SLC25A48: variants seen among roughly 807,000 people sequenced by gnomAD.
SLC25A48 encodes solute carrier family 25 member 48.
SLC25A48 carries 29 observed loss-of-function variants against 32.2 expected under a neutral mutation model. That is an observed-to-expected ratio of 0.90 (90% CI 0.67 to 1.23). The LOEUF (loss-of-function observed/expected upper bound fraction) is 1.23, where lower values mean the gene tolerates loss of function less well. SLC25A48 is among the 50% of genes most tolerant of loss of function. The pLI is 0.00. For synonymous variants in SLC25A48, 164 were observed against 172.3 expected (o/e 0.95, Z 0.38); for missense variants, 399 against 422.7 (o/e 0.94, Z 0.49).
rs555379016 is a variant in SLC25A48, at chr5:135,690,604, T to C, written c.-521+55648T>C. Among the ~76,000 whole-genome samples, 3 of 152,348 alleles carry C rather than the reference T, an allele frequency of 2.0e-5. No individual in the cohort carries two copies. The East Asian group carries it at 5.8e-4, about 29-fold the overall frequency. On this transcript the variant is annotated intron_variant, in intron 3 of 10. Transcript: ENST00000646290. ...TCCCTGCTTTTCCTTGGGATTCTCTTATGCTGTGCCATCAGCTGAGCCCTC... is the reference window on the plus strand; with the variant it reads ...TCCCTGCTTTTCCTTGGGATTCTCTCATGCTGTGCCATCAGCTGAGCCCTC...
At chr5:135,639,316 T>C (rs1752779992) in intron 3 of SLC25A48, among the ~76,000 whole-genome samples, 1 of 152,214 alleles carries the variant, frequency 6.6e-6, no homozygotes, top group African/African-American at 2.4e-5. Context: ...ACAGCTCTTA[T>C]GTGTTGTTCA....
At chr5:135,637,528 C>A (rs1246757159) in intron 3 of SLC25A48, among the ~76,000 whole-genome samples, 1 of 152,200 alleles carries the variant, frequency 6.6e-6, no homozygotes, top group African/African-American at 2.4e-5. Context: ...TGGCCCCTAA[C>A]TCCTTAGTGT....
intron 3 of SLC25A48, among the ~76,000 whole-genome samples, chr5:135,758,080 C>T (rs1204213706): frequency 6.7e-6 from 1 of 150,174 alleles, no homozygotes; most frequent in East Asian, 2.0e-4. Flanking sequence ...CTAGTGTTAA[C>T]ACACGATGAT....
At chr5:135,771,521 C>T (rs544212323) in intron 3 of SLC25A48, among the ~76,000 whole-genome samples, 5 of 149,220 alleles carry the variant, frequency 3.4e-5, no homozygotes, top group South Asian at 2.1e-4. Flanking sequence ...AGTGGGGAGA[C>T]GGTGATATTA....
intron 3 of SLC25A48, among the ~76,000 whole-genome samples, chr5:135,695,781 C>T (rs141243458): frequency 3.7e-4 from 57 of 152,330 alleles, no homozygotes; most frequent in African/African-American, 1.2e-3. Flanking sequence ...GCTCCTGCCC[C>T]GACCTTCTCT....
intron 3 of SLC25A48, among the ~76,000 whole-genome samples, chr5:135,725,235 G>A (rs1346626401): frequency 6.6e-6 from 1 of 152,222 alleles, no homozygotes; most frequent in Non-Finnish European, 1.5e-5. Context: ...CTATCTTTAT[G>A]AAACATCTAT....
chr5:135,796,290 G>C (rs1006881956), intron 3 of SLC25A48, among the ~76,000 whole-genome samples: 1 of 151,638 alleles, frequency 6.6e-6, no homozygotes, highest in African/African-American at 2.4e-5. Flanking sequence ...CAGCGGGGGA[G>C]ACGGTGATAT....
At chr5:135,877,625 G>C (rs186665948) in intron 6 of SLC25A48, among the ~76,000 whole-genome samples, 2 of 152,216 alleles carry the variant, frequency 1.3e-5, no homozygotes, top group South Asian at 4.1e-4. Flanking sequence ...AGCGCTCGCA[G>C]GTGCTGGGGT....
intron 1 of SLC25A48, among the ~76,000 whole-genome samples, chr5:135,839,865 G>A (rs1023451912): frequency 2.0e-5 from 3 of 152,164 alleles, no homozygotes; most frequent in African/African-American, 7.2e-5. Flanking sequence ...TGTTCCCCAA[G>A]CTCTCTTTTT....
At chr5:135,760,579 C>T (rs570588339) in intron 3 of SLC25A48, among the ~76,000 whole-genome samples, 2 of 152,302 alleles carry the variant, frequency 1.3e-5, no homozygotes, top group South Asian at 4.2e-4. Flanking sequence ...TGTCTGGGAC[C>T]TTGCTCAGCT....
chr5:135,866,924 G>A (rs1005464228), intron 4 of SLC25A48, among the ~76,000 whole-genome samples: 1 of 152,158 alleles, frequency 6.6e-6, no homozygotes, highest in Non-Finnish European at 1.5e-5. Context: ...GAGTTTTTGA[G>A]GTACATAATC....
At chr5:135,774,801 T>C (rs1051241380) in intron 3 of SLC25A48, among the ~76,000 whole-genome samples, 2 of 151,418 alleles carry the variant, frequency 1.3e-5, no homozygotes, top group Admixed American at 1.3e-4. Flanking sequence ...GATATTACTC[T>C]AAATATTGAA....
chr5:135,590,058 G>T (rs1751481326), intron 1 of SLC25A48, among the ~76,000 whole-genome samples: 1 of 151,826 alleles, frequency 6.6e-6, no homozygotes, highest in Non-Finnish European at 1.5e-5. Context: ...TTGCTTTTTT[G>T]TTTTTTTTGG....
intron 1 of SLC25A48, among the ~76,000 whole-genome samples, chr5:135,837,987 A>G (rs192601306): frequency 1.5e-4 from 23 of 152,336 alleles, no homozygotes; most frequent in South Asian, 4.1e-4. Context: ...TCAGAAGAAG[A>G]CAGAAAAATG....
intron 3 of SLC25A48, among the ~76,000 whole-genome samples, chr5:135,704,757 A>G (rs1754469955): frequency 6.6e-6 from 1 of 152,220 alleles, no homozygotes; most frequent in Non-Finnish European, 1.5e-5. Flanking sequence ...ATAACACGTT[A>G]ATAAGTCACA....
At chr5:135,618,619 G>A (rs1752245349) in intron 1 of SLC25A48, among the ~76,000 whole-genome samples, 1 of 151,982 alleles carries the variant, frequency 6.6e-6, no homozygotes, top group South Asian at 2.1e-4. Flanking sequence ...TTTCATGATG[G>A]TAGTTATTGT....
At chr5:135,747,797 A>G (rs948436449) in intron 3 of SLC25A48, among the ~76,000 whole-genome samples, 1 of 152,202 alleles carries the variant, frequency 6.6e-6, no homozygotes, top group Non-Finnish European at 1.5e-5. Flanking sequence ...TTTGCCATCT[A>G]CCATCTTTGT....
At chr5:135,617,453 T>A (rs569183469) in intron 1 of SLC25A48, among the ~76,000 whole-genome samples, 2 of 152,158 alleles carry the variant, frequency 1.3e-5, no homozygotes, top group East Asian at 1.9e-4. Flanking sequence ...TCTATTTTGT[T>A]CAGTTCTGCT....
chr5:135,834,741 G>A lies in SLC25A48; in HGVS notation c.-107G>A. Reference sequence around the variant, plus strand: ...TTGGAGTAGGACCTGCGGCGTGCTCGAGACTCCGACTTCGGTCTTGCGGCG... The same window carrying A: ...TTGGAGTAGGACCTGCGGCGTGCTCAAGACTCCGACTTCGGTCTTGCGGCG... On this transcript the variant is annotated 5_prime_UTR_variant, in exon 1 of 8. Transcript: ENST00000681962. 1 of 1,254,710 alleles carries A rather than the reference G, an allele frequency of 8.0e-7. No individual in the cohort carries two copies. Among genetic ancestry groups the A allele is most frequent in the South Asian group, 1.5e-5 (1 of 65,244 alleles). 77.7% of individuals were successfully genotyped at this position (1,254,710 alleles called of 1,614,324 possible).
Sources: allele counts gnomAD v4.1 joint callset (sites outside exome capture counted in the v4.1 genomes callset), GRCh38; gene constraint gnomAD v4.1.1; transcripts MANE v1.5; gene names NCBI Gene and HGNC (gene_info 2026-07-23, HGNC 2026-07-21).